Variants in MIA3 observed in about 807,000 individuals in gnomAD.
MIA3 encodes MIA SH3 domain ER export factor 3.
Under a neutral mutation model 192.4 loss-of-function variants are expected in MIA3, and 90 were observed. The observed-to-expected ratio is 0.47, with a 90% CI of 0.39 to 0.56. The LOEUF is 0.56. MIA3 is among the 20% of genes least tolerant of loss of function. The probability of loss-of-function intolerance (pLI) is 0.00; values close to 1 mark genes in which losing one functional copy is unlikely to be tolerated. For missense variants in MIA3, 2,123 were observed against 2,269.4 expected (o/e 0.94, Z 1.31); for synonymous variants, 740 against 792.8 (o/e 0.93, Z 1.12).
rs1480638970 is a variant in MIA3 at position 222,645,633 on chromosome 1, C to T, written c.3557C>T (p.Ala1186Val). Residue 1186 changes from alanine to valine, a missense_variant, in exon 7 of 28, where the codon GCC (alanine) becomes GTC (valine). Ala to Val is a moderately conservative substitution (Grantham distance 64). Transcript: ENST00000344922. ...CCATGGAAACCTGTATTTATCACTG[C>T]CTTCTTGGGAATTGCTTCGTTTGCC... is the stretch of plus-strand genomic sequence containing the variant. The part of the protein sequence containing the change: ...GLPWKPVFIT[A>V]FLGIASFAIF... 3 of 1,613,908 alleles carry T rather than the reference C, an allele frequency of 1.9e-6. No homozygotes were observed. The highest frequency in any genetic ancestry group is 1.7e-4 in the Middle Eastern group (1 of 6,060).
At chr1:222,636,979 A>C (rs75991129) in intron 6 of MIA3, among the ~76,000 whole-genome samples, 2,116 of 152,268 alleles carry the variant, frequency 0.014, 58 homozygotes, top group African/African-American at 0.048. Context: ...GAGGTTGTAG[A>C]GCTCACCTAT....
At chr1:222,620,296 T>C (rs1158670431) in intron 1 of MIA3, among the ~76,000 whole-genome samples, 1 of 152,216 alleles carries the variant, frequency 6.6e-6, no homozygotes, top group Non-Finnish European at 1.5e-5. Context: ...GTGTATGTGG[T>C]CAACAAAAAT....
At position 222,627,980 on chromosome 1, in the gene MIA3, G is replaced by A; in HGVS notation, c.760G>A (p.Val254Ile). The A allele has an allele frequency of 6.2e-7, 1 of 1,614,032 alleles. No individual in the cohort carries two copies. The highest frequency in any genetic ancestry group is 1.1e-5 in the South Asian group (1 of 91,064). ...CAACAAAACCAGCAATAGTTCTCAG[G>A]TCTCAAATGAACAGGATAAGATTGA... ...ENNKTSNSSQ[V>I]SNEQDKIDAY... Residue 254 changes from valine (V) to isoleucine (I), a missense_variant, in exon 4 of 28, where the codon GTC becomes ATC. Coordinates refer to ENST00000344922, the MANE Select transcript of MIA3 (RefSeq NM_198551.4).
rs556478012 is a variant in MIA3 at position 222,667,934 on chromosome 1, T to A, written c.*2315T>A. ...TAAGTAATTCGTGGGATGTGGTATATTCTGTGTCAACTTCAAGATAATCAC... is the reference window on the plus strand; with the variant it reads ...TAAGTAATTCGTGGGATGTGGTATAATCTGTGTCAACTTCAAGATAATCAC... On this transcript the variant is annotated 3_prime_UTR_variant, in exon 28 of 28. Coordinates refer to ENST00000344922, the MANE Select transcript of MIA3 (RefSeq NM_198551.4). The A allele has an allele frequency of 6.6e-6, 1 of 152,234 alleles. No individual in the cohort carries two copies. The highest frequency in any genetic ancestry group is 1.5e-5 in the Non-Finnish European group (1 of 68,042). 9.4% of individuals were successfully genotyped at this position (152,234 alleles called of 1,614,324 possible). A position where few individuals can be genotyped will look rare whatever the true frequency, so the allele number is the denominator to read the frequency against.
chr1:222,633,082 C>A, intron 5 of MIA3, 22 bp from the exon 6 acceptor site: 1 of 1,572,030 alleles, frequency 6.4e-7, no homozygotes, highest in Non-Finnish European at 8.6e-7. Flanking sequence ...CACAAAATGT[C>A]TATCTTTCCT....
In MIA3 at chr1:222,624,758, T is replaced by G. The variant is rs777860336; in HGVS notation, c.268-10T>G. 2 of 1,407,908 alleles carry G rather than the reference T, an allele frequency of 1.4e-6. No homozygotes were observed. Among genetic ancestry groups the G allele is most frequent in the Admixed American group, 1.7e-5 (1 of 58,996 alleles). The allele number at this position is 1,407,908 out of a possible 1,614,324, so 87.2% of individuals were successfully genotyped here. A position where few individuals can be genotyped will look rare whatever the true frequency, so the allele number is the denominator to read the frequency against. ...TGATATGTGTCCCTTTTGCCCATTC[T>G]TTTGTGTAGGTTGGACGCACTTTTG... On this transcript the variant is annotated splice_polypyrimidine_tract_variant and intron_variant, in intron 2 of 27. Transcript: ENST00000344922.
At chr1:222,648,517 A>G (rs1663262171) in intron 7 of MIA3, among the ~76,000 whole-genome samples, 1 of 152,170 alleles carries the variant, frequency 6.6e-6, no homozygotes, top group Non-Finnish European at 1.5e-5. Context: ...AATATTAGCC[A>G]TTTCTGTTAT....
Position 222,627,571 on chromosome 1 carries a change from A to G in MIA3, c.355-4A>G, listed in dbSNP as rs17530776. 0.076 allele frequency: 118,430 copies of G among 1,563,646 alleles called. 5,094 individuals carry two copies. The highest frequency in any genetic ancestry group is 0.09 in the Non-Finnish European group (104,147 of 1,160,376). The stretch of plus-strand genomic sequence containing the variant: ...ACAGACTAATGTTTTTCTTTTTCTT[A>G]CAGGAGACGGATTTTGTTTGTTTTG... On this transcript the variant is annotated splice_region_variant and splice_polypyrimidine_tract_variant and intron_variant, in intron 3 of 27. Coordinates refer to ENST00000344922, the MANE Select transcript of MIA3 (RefSeq NM_198551.4).
At chr1:222,662,610 G>A (rs992217625) in intron 26 of MIA3, 5 of 693,910 alleles carry the variant, frequency 7.2e-6, no homozygotes, top group Non-Finnish European at 1.0e-5. Context: ...TGACTTGGGA[G>A]TGTTGCTGAA....
chr1:222,638,890 G>A (rs1662741319), intron 6 of MIA3, among the ~76,000 whole-genome samples: 1 of 151,858 alleles, frequency 6.6e-6, no homozygotes, highest in Non-Finnish European at 1.5e-5. Flanking sequence ...CAAGTAAACA[G>A]GAGAAAAGAA....
intron 26 of MIA3, chr1:222,662,774 A>G (rs1664090577): frequency 6.1e-6 from 1 of 165,108 alleles, no homozygotes; most frequent in Non-Finnish European, 1.3e-5. Flanking sequence ...GGCAAAGTAA[A>G]TTCATTGTAA....
chr1:222,644,485 G>A (rs1663031978), intron 6 of MIA3: 1 of 1,550,614 alleles, frequency 6.4e-7, no homozygotes, highest in Non-Finnish European at 8.7e-7. Flanking sequence ...AATGGACTCA[G>A]TACCTGCCAC....
In MIA3 at chr1:222,665,445, A is replaced by G; in HGVS notation, c.5550A>G (p.Pro1850=). Residue 1850 remains proline (P), a synonymous_variant, in exon 28 of 28, where the codon CCA becomes CCG. Transcript: ENST00000344922. The part of the protein sequence containing the change: ...APFRPLGSLG[P]REYFIPGTRL... The stretch of plus-strand genomic sequence containing the variant: ...TTAGACCTTTAGGTTCACTTGGCCC[A>G]AGAGAGTACTTTATTCCTGGTACCC... 1 of 1,614,008 alleles carries G rather than the reference A, an allele frequency of 6.2e-7. No homozygotes were observed. The highest frequency in any genetic ancestry group is 2.2e-5 in the East Asian group (1 of 44,876).
chr1:222,632,724 C>T (rs1002647787), intron 5 of MIA3, among the ~76,000 whole-genome samples: 2 of 152,220 alleles, frequency 1.3e-5, no homozygotes, highest in Non-Finnish European at 2.9e-5. Context: ...TGGAGAACCA[C>T]TGCTCTAAAA....
chr1:222,619,600 G>T (rs1675002679), intron 1 of MIA3, among the ~76,000 whole-genome samples: 1 of 152,198 alleles, frequency 6.6e-6, no homozygotes, highest in South Asian at 2.1e-4. Flanking sequence ...AAGCCACGCT[G>T]TTACCCATTT....
Position 222,651,958 on chromosome 1 carries a change from T to C in MIA3, c.3910-19T>C, listed in dbSNP as rs2124907016. 1 of 1,390,564 alleles carries C rather than the reference T, an allele frequency of 7.2e-7. No individual in the cohort carries two copies. The highest frequency in any genetic ancestry group is 2.3e-5 in the East Asian group (1 of 43,754). The allele number at this position is 1,390,564 out of a possible 1,614,324, so 86.1% of individuals were successfully genotyped here. On this transcript the variant is annotated intron_variant, in intron 11 of 27. Transcript: ENST00000344922. ...CTAAAATCCTAATATGCATTTTGTG[T>C]TCTGTTTTTACATGGCAGATATCAG...
intron 6 of MIA3, among the ~76,000 whole-genome samples, chr1:222,634,681 G>T (rs189953010): frequency 6.6e-6 from 1 of 152,280 alleles, no homozygotes; most frequent in African/African-American, 2.4e-5. Flanking sequence ...TTGGAGGCCA[G>T]GTTGCCCTTA....
Position 222,628,053 on chromosome 1 carries a change from A to C in MIA3, c.833A>C (p.Lys278Thr), listed in dbSNP as rs1209543654. ...KKEMTLDLKT[K>T]FGSTADALVS... Reference sequence around the variant, plus strand: ...GAAATGACTCTAGACTTGAAAACCAAATTTGGCTCAACAGCTGATGCACTT... The same window carrying C: ...GAAATGACTCTAGACTTGAAAACCACATTTGGCTCAACAGCTGATGCACTT... The change falls in exon 4 of 28, where the codon AAA becomes ACA. Residue 278 changes from lysine to threonine, a missense_variant. Coordinates refer to ENST00000344922, the MANE Select transcript of MIA3 (RefSeq NM_198551.4). The C allele has an allele frequency of 6.2e-7, 1 of 1,614,130 alleles. No homozygotes were observed. Among genetic ancestry groups the C allele is most frequent in the Admixed American group, 1.7e-5 (1 of 60,026 alleles).
intron 11 of MIA3, among the ~76,000 whole-genome samples, chr1:222,651,211 GTTT>G (rs147709124): frequency 1.4e-5 from 2 of 140,156 alleles, no homozygotes; most frequent in Non-Finnish European, 1.6e-5. Context: ...GTTTTGCAAA[GTTT>G]TTTTTTTTTT....
Sources: gnomAD v4.1 joint callset for allele counts (sites outside exome capture counted in the v4.1 genomes callset) on GRCh38, gnomAD v4.1.1 for gene constraint, MANE v1.5 for transcripts, NCBI Gene and HGNC (gene_info 2026-07-23, HGNC 2026-07-21) for gene names.